The following ARHGAP6 variants were observed in gnomAD, a reference collection of about 807,000 sequenced individuals.
ARHGAP6 encodes rho GTPase-activating protein 6.
ARHGAP6 carries 16 observed loss-of-function variants against 55.7 expected under a neutral mutation model. The ratio of observed to expected loss-of-function variants is 0.29; its 90% CI spans 0.19 to 0.44. ARHGAP6 has a LOEUF of 0.44. ARHGAP6 is among the 20% of genes least tolerant of loss of function. The pLI, the probability that ARHGAP6 is intolerant of heterozygous loss-of-function variation, is 1.00. For missense variants in ARHGAP6, 698 were observed against 808.9 expected (o/e 0.86, Z 1.66); for synonymous variants, 382 against 360.9 (o/e 1.06, Z -0.66).
At chrX:11,537,498 T>G (rs2147068683) in intron 1 of ARHGAP6, among the ~76,000 whole-genome samples, 1 of 112,467 alleles carries the variant, frequency 8.9e-6, no homozygotes, top group East Asian at 2.8e-4. Context: ...TTTTAAGCTC[T>G]GGCACAGAAT....
intron 2 of ARHGAP6, among the ~76,000 whole-genome samples, chrX:11,229,958 T>C: frequency 8.9e-6 from 1 of 112,228 alleles, no homozygotes; most frequent in African/African-American, 3.2e-5. Flanking sequence ...AGCTTGCATT[T>C]TCATAAAGGA....
intron 10 of ARHGAP6, among the ~76,000 whole-genome samples, chrX:11,152,989 G>A (rs746343232): frequency 5.4e-5 from 6 of 111,880 alleles, no homozygotes; most frequent in African/African-American, 1.9e-4. Context: ...CAGCCAGTGG[G>A]CCAGCACCTA....
chrX:11,540,259 A>G (rs1367995481), intron 1 of ARHGAP6, among the ~76,000 whole-genome samples: 6 of 108,447 alleles, frequency 5.5e-5, no homozygotes, highest in Admixed American at 4.9e-4. Context: ...GTCAAAAAAG[A>G]AAAAAAGGAA....
At chrX:11,580,177 A>G (rs991003097) in intron 1 of ARHGAP6, among the ~76,000 whole-genome samples, 2 of 112,295 alleles carry the variant, frequency 1.8e-5, no homozygotes, top group Non-Finnish European at 1.9e-5. Context: ...CAAAAAACTA[A>G]TTTGAACAAA....
At chrX:11,641,624 G>A (rs985280218) in intron 1 of ARHGAP6, among the ~76,000 whole-genome samples, 6 of 111,674 alleles carry the variant, frequency 5.4e-5, no homozygotes, top group African/African-American at 1.9e-4. Flanking sequence ...CAGTTTAAAA[G>A]CATGTATTTA....
At chrX:11,215,326 C>T (rs2046864877) in intron 2 of ARHGAP6, among the ~76,000 whole-genome samples, 1 of 112,889 alleles carries the variant, frequency 8.9e-6, no homozygotes, top group Non-Finnish European at 1.9e-5. Flanking sequence ...GCTGGGGGAC[C>T]CAGGAGCAGG....
At chrX:11,278,037 T>G in intron 1 of ARHGAP6, among the ~76,000 whole-genome samples, 1 of 111,867 alleles carries the variant, frequency 8.9e-6, no homozygotes, top group Non-Finnish European at 1.9e-5. Context: ...TTTCATGAGT[T>G]GCTAGGGTCA....
intron 2 of ARHGAP6, among the ~76,000 whole-genome samples, chrX:11,249,762 T>C (rs141476205): frequency 0.015 from 1,741 of 112,413 alleles, 23 homozygotes; most frequent in African/African-American, 0.033. Context: ...CTTTAGTTTG[T>C]CAAATGTGCT....
rs56128798 is a variant in ARHGAP6, at chrX:11,625,286, A to AGTGT, written c.588+38951_588+38954dup. Among the ~76,000 whole-genome samples, 330 of 98,040 alleles carry AGTGT rather than the reference A, an allele frequency of 3.4e-3. 1 individual carries two copies. Among genetic ancestry groups the AGTGT allele is most frequent in the African/African-American group, 3.9e-3 (111 of 28,154 alleles). The allele number at this position is 98,040 out of a possible 115,157, so 85.1% of individuals were successfully genotyped here. On this transcript the variant is annotated intron_variant, in intron 1 of 12. Transcript: ENST00000337414. ...GGATTGATGGATAAAGAAAATGTGG[A>AGTGT]GTGTGTGTGTGTGTGTGTGTGTGTA...
intron 2 of ARHGAP6, among the ~76,000 whole-genome samples, chrX:11,214,298 CAT>C (rs2147397463): frequency 9.1e-6 from 1 of 110,392 alleles, no homozygotes; most frequent in Non-Finnish European, 1.9e-5. Context: ...TGTGTGTGCA[CAT>C]ACATATATAT....
At chrX:11,526,405 A>G (rs2050989377) in intron 1 of ARHGAP6, among the ~76,000 whole-genome samples, 1 of 111,870 alleles carries the variant, frequency 8.9e-6, no homozygotes, top group Non-Finnish European at 1.9e-5. Flanking sequence ...AAAAGTTGCC[A>G]ATGTTTGTAG....
Position 11,598,493 on chromosome X carries a change from C to G in ARHGAP6, c.588+65748G>C, listed in dbSNP as rs1172227609. ...CCAATAGGTAGTTTTTCAATCCATA[C>G]CCCCTCCTTTCCTCCCCATTCTAGT... On this transcript the variant is annotated intron_variant, in intron 1 of 12. Coordinates refer to ENST00000337414, the MANE Select transcript of ARHGAP6 (RefSeq NM_013427.3). Among the ~76,000 whole-genome samples, 5 of 111,894 alleles carry G rather than the reference C, an allele frequency of 4.5e-5. No homozygotes were observed. In the East Asian group the frequency reaches 8.4e-4, roughly 19 times the overall value.
chrX:11,359,753 C>A (rs181037613), intron 1 of ARHGAP6, among the ~76,000 whole-genome samples: 26 of 111,092 alleles, frequency 2.3e-4, no homozygotes, highest in African/African-American at 8.2e-4. Flanking sequence ...ATTGATAGAC[C>A]GCTAGCAAGA....
chrX:11,400,396 T>C (rs1013116191), intron 1 of ARHGAP6, among the ~76,000 whole-genome samples: 9 of 109,095 alleles, frequency 8.2e-5, no homozygotes, highest in Non-Finnish European at 1.7e-4. Context: ...AGGCATTTCA[T>C]AGAAGAGAAA....
At chrX:11,371,267 A>G (rs1432553755) in intron 1 of ARHGAP6, among the ~76,000 whole-genome samples, 1 of 112,084 alleles carries the variant, frequency 8.9e-6, no homozygotes, top group African/African-American at 3.2e-5. Context: ...TCAGCAAACT[A>G]TAATCCATGG....
At chrX:11,411,267 GTT>G (rs1404940158) in intron 1 of ARHGAP6, among the ~76,000 whole-genome samples, 1 of 83,273 alleles carries the variant, frequency 1.2e-5, no homozygotes, top group Non-Finnish European at 2.3e-5. Context: ...TTATTTATAT[GTT>G]TACGTTAGAT....
At chrX:11,236,254 C>T (rs557832517) in intron 2 of ARHGAP6, among the ~76,000 whole-genome samples, 4 of 111,807 alleles carry the variant, frequency 3.6e-5, no homozygotes, top group East Asian at 2.8e-4. Flanking sequence ...AATTGCAGAG[C>T]GAAGTGGGGG....
intron 3 of ARHGAP6, among the ~76,000 whole-genome samples, chrX:11,191,357 T>C (rs2046458948): frequency 8.9e-6 from 1 of 111,932 alleles, no homozygotes; most frequent in Non-Finnish European, 1.9e-5. Flanking sequence ...GACCTGCCAG[T>C]TTAGCAGGAA....
chrX:11,622,940 A>G (rs1173220004), intron 1 of ARHGAP6, among the ~76,000 whole-genome samples: 1 of 112,041 alleles, frequency 8.9e-6, no homozygotes, highest in Non-Finnish European at 1.9e-5. Flanking sequence ...TTATAAGTCA[A>G]AGAACCATGT....
Sources: allele counts gnomAD v4.1 joint callset (sites outside exome capture counted in the v4.1 genomes callset), GRCh38; gene constraint gnomAD v4.1.1; transcripts MANE v1.5; gene names NCBI Gene and HGNC (gene_info 2026-07-23, HGNC 2026-07-21).